GSDMD: variants seen among roughly 807,000 people sequenced by gnomAD.
GSDMD encodes the protein gasdermin D, also known as gasdermin-D.
In GSDMD, 46 loss-of-function variants were observed where a neutral mutation model predicts 46.7. The observed-to-expected ratio is 0.99, with a 90% CI of 0.78 to 1.26. The LOEUF is 1.26. Among genes scored for constraint, GSDMD ranks in the 50% most tolerant of loss-of-function variants. The pLI is 0.00. For missense variants in GSDMD, 649 were observed against 638.8 expected (o/e 1.02, Z -0.17); for synonymous variants, 307 against 283.1 (o/e 1.08, Z -0.85).
chr8:143,554,096 T>G (rs920299610), upstream of GSDMD, among the ~76,000 whole-genome samples: 1 of 152,168 alleles, frequency 6.6e-6, no homozygotes, highest in African/African-American at 2.4e-5. Context: ...GGAATTTTGC[T>G]GCAAAGGAAA....
upstream of GSDMD, among the ~76,000 whole-genome samples, chr8:143,557,645 G>A (rs1218325850): frequency 6.6e-6 from 1 of 152,212 alleles, no homozygotes; most frequent in African/African-American, 2.4e-5. Flanking sequence ...CCAGAGGGCC[G>A]CACGGGTTGA....
chr8:143,555,608 CAGCACGTGCTGGCCCTGTT>C (rs1823285650), upstream of GSDMD, among the ~76,000 whole-genome samples: 1 of 152,214 alleles, frequency 6.6e-6, no homozygotes, highest in Non-Finnish European at 1.5e-5. Context: ...CACAACAGCT[CAGCACGTGCTGGCCCTGTT>C]ACCCAGCAGG....
chr8:143,559,719 G>A, intron 2 of GSDMD, 58 bp from the exon 3 acceptor site: 1 of 1,526,270 alleles, frequency 6.6e-7, no homozygotes, highest in Non-Finnish European at 8.9e-7. Context: ...GACAGGGCTG[G>A]TGGGGGCGGG....
chr8:143,557,381 A>AC (rs1823327514), upstream of GSDMD, among the ~76,000 whole-genome samples: 3 of 121,584 alleles, frequency 2.5e-5, no homozygotes, highest in South Asian at 2.8e-4. Context: ...CGCTATGGCG[A>AC]AGGATGATGC....
chr8:143,561,474 C>A, intron 6 of GSDMD, 51 bp downstream of exon 6: 1 of 1,561,862 alleles, frequency 6.4e-7, no homozygotes, highest in African/African-American at 1.4e-5. Context: ...AAAGCACACT[C>A]CCTGGGCAGT....
At chr8:143,560,406 G>C (rs1489923132) in intron 3 of GSDMD, 197 bp from the exon 4 acceptor site, 6 of 635,904 alleles carry the variant, frequency 9.4e-6, no homozygotes, top group South Asian at 1.9e-5. Context: ...GTCTGGACTT[G>C]GAGTCCCCGA....
At position 143,562,234 on chromosome 8, in the gene GSDMD, C is replaced by T. The variant is rs371807365; in HGVS notation, c.1022C>T (p.Pro341Leu). ...EALEQGQSLG[P>L]VEPLDGPAGA... ...CTGGAGCAGGGCCAGAGCCTTGGGC[C>T]GGTGGAGCCCCTGGACGGTCCAGCA... Residue 341 changes from proline to leucine, a missense_variant, in exon 9 of 11, where the codon CCG becomes CTG. By Grantham distance (98) the Pro-to-Leu change is moderately conservative. Transcript: ENST00000262580. 1.4e-5 allele frequency: 22 copies of T among 1,567,698 alleles called. No individual in the cohort carries two copies. The highest frequency in any genetic ancestry group is 1.2e-4 in the African/African-American group (9 of 74,006).
intron 6 of GSDMD, 124 bp downstream of exon 6, chr8:143,561,547 C>T (rs866799206): frequency 2.9e-6 from 3 of 1,031,152 alleles, no homozygotes; most frequent in Middle Eastern, 2.1e-4. Context: ...AGGCGGTGGG[C>T]ACCCCCCATA....
rs1384507081 is a variant in GSDMD at position 143,558,408 on chromosome 8, G to GCAGACGCGC, written c.-36_-28dup. 26 of 1,511,686 alleles carry GCAGACGCGC rather than the reference G, an allele frequency of 1.7e-5. No individual in the cohort carries two copies. The highest frequency in any genetic ancestry group is 2.7e-5 in the East Asian group (1 of 37,242). 93.6% of individuals were successfully genotyped at this position (1,511,686 alleles called of 1,614,324 possible). ...GCTCGCCGGACGGCTCCCAGGGAGA[G>GCAGACGCGC]CAGACGCGCCAGACGCGCCACCCTC... On this transcript the variant is annotated 5_prime_UTR_variant, in exon 1 of 11. Transcript: ENST00000262580.
chr8:143,554,230 T>C (rs954637402), upstream of GSDMD, among the ~76,000 whole-genome samples: 2 of 152,174 alleles, frequency 1.3e-5, no homozygotes, highest in Non-Finnish European at 2.9e-5. Context: ...CACAGCGACA[T>C]GTGCACACAC....
At position 143,559,866 on chromosome 8, in the gene GSDMD, A is replaced by G; in HGVS notation, c.307A>G (p.Lys103Glu). 6.2e-7 allele frequency: 1 copy of G among 1,612,796 alleles called. No homozygotes were observed. The highest frequency in any genetic ancestry group is 8.5e-7 in the Non-Finnish European group (1 of 1,179,962). ...GGAGCTGGCAGCCCCAGGACAGGCA[A>G]AGATCGCAGGCGGGGCCGCGGTGTC... The part of the protein sequence containing the change: ...SVELAAPGQA[K>E]IAGGAAVSDS... The change falls in exon 3 of 11, where the codon AAG becomes GAG. Residue 103 changes from lysine to glutamate, a missense_variant. Physicochemically the swap from Lys to Glu is moderately conservative, Grantham distance 56 (BLOSUM62 1). Transcript: ENST00000262580.
At chr8:143,560,966 C>G in intron 4 of GSDMD, 36 bp from the exon 5 acceptor site, 2 of 1,590,098 alleles carry the variant, frequency 1.3e-6, no homozygotes, top group Non-Finnish European at 1.7e-6. Flanking sequence ...CGGCCCGGTG[C>G]CAGGGCCCAG....
upstream of GSDMD, among the ~76,000 whole-genome samples, chr8:143,554,659 TACACACGTGCACAAACACGCTCAAC>T (rs1275715068): frequency 1.4e-5 from 2 of 142,934 alleles, no homozygotes; most frequent in Non-Finnish European, 3.0e-5. Flanking sequence ...CACACGTGCA[TACACACGTGCACAAACACGCTCAAC>T]ACGCACGTGC....
chr8:143,559,030 G>T, intron 1 of GSDMD: 1 of 472,508 alleles, frequency 2.1e-6, no homozygotes. Flanking sequence ...CTCCCAGCCA[G>T]AGGCAGCCAT....
upstream of GSDMD, among the ~76,000 whole-genome samples, chr8:143,554,117 G>A (rs1399140988): frequency 2.0e-5 from 3 of 152,254 alleles, no homozygotes; most frequent in East Asian, 3.8e-4. Flanking sequence ...GGAGAAAAGC[G>A]GGAGGAGGGG....
intron 5 of GSDMD, 58 bp downstream of exon 5, chr8:143,561,162 T>G: frequency 6.7e-7 from 1 of 1,502,800 alleles, no homozygotes; most frequent in South Asian, 1.1e-5. Flanking sequence ...CAGGGAGGCC[T>G]GGGGAGAGCT....
chr8:143,557,030 G>A (rs367730291), upstream of GSDMD, among the ~76,000 whole-genome samples: 5 of 152,210 alleles, frequency 3.3e-5, no homozygotes, highest in African/African-American at 7.2e-5. Context: ...CACCGGCAGC[G>A]CCATCTCCCT....
rs540292430 is a variant in GSDMD, at chr8:143,560,761, C to A, written c.569C>A (p.Thr190Lys). The change falls in exon 4 of 11, where the codon ACG becomes AAG. Residue 190 changes from threonine (T) to lysine (K), a missense_variant. Coordinates refer to ENST00000262580, the MANE Select transcript of GSDMD (RefSeq NM_024736.7). Reference protein sequence around the residue: ...GSGRFSLPGATCLQGEGQGHL... With the variant: ...GSGRFSLPGAKCLQGEGQGHL... ...GGCCGGTTTTCCCTGCCCGGAGCCA[C>A]GTGCTTGCAGGTGTGTAGCCAGCCC... The A allele has an allele frequency of 1.7e-5, 26 of 1,546,742 alleles. No homozygotes were observed. In the Middle Eastern group the frequency reaches 7.2e-4, roughly 43 times the overall value.
chr8:143,561,751 G>C lies in GSDMD; in HGVS notation c.746G>C (p.Arg249Pro), dbSNP rs138749323. Residue 249 changes from arginine to proline, a missense_variant, in exon 7 of 11, where the codon CGT becomes CCT. Physicochemically the swap from Arg to Pro is moderately radical, Grantham distance 103. Coordinates refer to ENST00000262580, the MANE Select transcript of GSDMD (RefSeq NM_024736.7). ...CCATGCCCCTGCCCAGGCCACAAGC[G>C]TTCCACGAGCGAAGGCGCCTGGCCA... ...TFQPPATGHK[R>P]STSEGAWPQL... is the part of the protein sequence containing the mutation. 6.2e-7 allele frequency: 1 copy of C among 1,607,444 alleles called. No individual in the cohort carries two copies. The highest frequency in any genetic ancestry group is 8.5e-7 in the Non-Finnish European group (1 of 1,177,562).
Sources: gnomAD v4.1 joint callset for allele counts (sites outside exome capture counted in the v4.1 genomes callset) on GRCh38, gnomAD v4.1.1 for gene constraint, MANE v1.5 for transcripts, NCBI Gene and HGNC (gene_info 2026-07-23, HGNC 2026-07-21) for gene names.